Variants in KAZN observed in about 807,000 individuals in gnomAD.
KAZN encodes the protein kazrin, periplakin interacting protein, also known as kazrin.
A neutral mutation model predicts 87.4 loss-of-function variants in KAZN; 40 were observed. That is an observed-to-expected ratio of 0.46 (90% CI 0.36 to 0.60). The LOEUF (loss-of-function observed/expected upper bound fraction) is 0.60, where lower values mean the gene tolerates loss of function less well. Among genes scored for constraint, KAZN ranks in the 20% least tolerant of loss-of-function variants. The pLI is 0.00. For synonymous variants in KAZN, 466 were observed against 458.3 expected (o/e 1.02, Z -0.22); for missense variants, 898 against 1,073.9 (o/e 0.84, Z 2.29).
intron 1 of KAZN, among the ~76,000 whole-genome samples, chr1:13,947,029 G>A (rs1265959584): frequency 6.6e-6 from 1 of 152,076 alleles, no homozygotes; most frequent in Non-Finnish European, 1.5e-5. Flanking sequence ...CCCATTCCCT[G>A]ACCTGTGACT....
intron 1 of KAZN, among the ~76,000 whole-genome samples, chr1:14,175,907 A>G (rs1264074982): frequency 1.3e-5 from 2 of 152,204 alleles, no homozygotes; most frequent in Admixed American, 6.5e-5. Context: ...GTCGTAGACC[A>G]TGGGTAGGTT....
chr1:14,395,546 C>A (rs1662824549), intron 2 of KAZN, among the ~76,000 whole-genome samples: 2 of 152,102 alleles, frequency 1.3e-5, no homozygotes, highest in Non-Finnish European at 1.5e-5. Context: ...TGTGGAGGAA[C>A]ATAGCTACTA....
chr1:14,867,967 AGG>A, intron 1 of KAZN, among the ~76,000 whole-genome samples: 2 of 150,782 alleles, frequency 1.3e-5, no homozygotes, highest in African/African-American at 4.9e-5. Context: ...TTGCATAGGC[AGG>A]CATCGCATAT....
chr1:14,694,994 G>T (rs1641518831), intron 1 of KAZN, among the ~76,000 whole-genome samples: 1 of 152,152 alleles, frequency 6.6e-6, no homozygotes, highest in Admixed American at 6.5e-5. Context: ...GGAATTGGAG[G>T]TCAGTCCCTA....
At chr1:14,021,252 G>C (rs1253602748) in intron 1 of KAZN, among the ~76,000 whole-genome samples, 1 of 152,124 alleles carries the variant, frequency 6.6e-6, no homozygotes, top group Admixed American at 6.6e-5. Context: ...GCCCCACGGT[G>C]GGGGAAAGTC....
In KAZN at chr1:15,094,440, C is replaced by T. The variant is rs1238869061; in HGVS notation, c.1428+55C>T. Reference sequence around the variant, plus strand: ...CCACCCATGCCCTCTGTGAGCTTTACGTACCCAGAAGCTGGCCTGCCCCCC... The same window carrying T: ...CCACCCATGCCCTCTGTGAGCTTTATGTACCCAGAAGCTGGCCTGCCCCCC... On this transcript the variant is annotated intron_variant, in intron 9 of 14. Transcript: ENST00000376030. This position sits in a 1 kb window ranked among gnomAD's most constrained non-coding sequence, Gnocchi z 4.5. The T allele has an allele frequency of 1.1e-5, 16 of 1,507,922 alleles. No individual in the cohort carries two copies. In the Admixed American group the frequency reaches 1.3e-4, roughly 13 times the overall value. 93.4% of individuals were successfully genotyped at this position (1,507,922 alleles called of 1,614,324 possible).
chr1:14,164,347 T>G (rs1645773506), intron 1 of KAZN, among the ~76,000 whole-genome samples: 1 of 152,092 alleles, frequency 6.6e-6, no homozygotes, highest in African/African-American at 2.4e-5. Flanking sequence ...TCATGCTGAC[T>G]GTTGGCACAA....
At chr1:14,127,381 G>A (rs1467309881) in intron 1 of KAZN, among the ~76,000 whole-genome samples, 7 of 145,030 alleles carry the variant, frequency 4.8e-5, no homozygotes, top group Admixed American at 4.4e-4. Flanking sequence ...CTGAGAAAAA[G>A]CATACCCCTT....
intron 2 of KAZN, among the ~76,000 whole-genome samples, chr1:14,438,239 C>T (rs967439184): frequency 6.6e-6 from 1 of 152,162 alleles, no homozygotes; most frequent in Non-Finnish European, 1.5e-5. Context: ...CAGATATTTA[C>T]CAAGTGCCTG....
At chr1:13,954,084 G>A (rs922808508) in intron 1 of KAZN, among the ~76,000 whole-genome samples, 6 of 152,140 alleles carry the variant, frequency 3.9e-5, no homozygotes, top group African/African-American at 1.4e-4. Flanking sequence ...GAGTGGCTGA[G>A]CAATACACGA....
chr1:14,995,886 C>T (rs1667813326), intron 2 of KAZN, among the ~76,000 whole-genome samples: 2 of 152,122 alleles, frequency 1.3e-5, no homozygotes, highest in African/African-American at 4.8e-5. Flanking sequence ...GGGCTTTAAA[C>T]ATTTTCAAAT....
chr1:15,088,279 T>C (rs79604384), intron 8 of KAZN, among the ~76,000 whole-genome samples: 1 of 152,208 alleles, frequency 6.6e-6, no homozygotes, highest in East Asian at 1.9e-4. Context: ...GGCCGTAGTC[T>C]GCTGACCTCT....
At chr1:15,049,290 C>T (rs1674038663) in intron 4 of KAZN, among the ~76,000 whole-genome samples, 1 of 152,258 alleles carries the variant, frequency 6.6e-6, no homozygotes, top group Non-Finnish European at 1.5e-5. Context: ...CCGGCTCACA[C>T]GGACCTCGCT....
In KAZN at chr1:14,282,153, G is replaced by A. The variant is rs1342066893; in HGVS notation, c.249+101561G>A. Among the ~76,000 whole-genome samples, 4 of 152,016 alleles carry A rather than the reference G, an allele frequency of 2.6e-5. 1 individual carries two copies. The South Asian group carries it at 8.3e-4, about 32-fold the overall frequency. ...TCTTTACCTTCTTATTGTATACTACGGGCTGTTTCTTTTACAGATGTTTTG... is the reference window on the plus strand; with the variant it reads ...TCTTTACCTTCTTATTGTATACTACAGGCTGTTTCTTTTACAGATGTTTTG... On this transcript the variant is annotated intron_variant, in intron 2 of 16. Coordinates refer to the KAZN transcript ENST00000636203.
At chr1:14,489,643 A>G (rs1669540117) in intron 2 of KAZN, among the ~76,000 whole-genome samples, 1 of 151,724 alleles carries the variant, frequency 6.6e-6, no homozygotes, top group South Asian at 2.1e-4. Context: ...CTGGGGCAGG[A>G]GAATCACTTG....
intron 2 of KAZN, among the ~76,000 whole-genome samples, chr1:14,188,934 T>C (rs943810475): frequency 6.6e-6 from 1 of 152,164 alleles, no homozygotes; most frequent in African/African-American, 2.4e-5. Flanking sequence ...CATATAATTA[T>C]AATCTTAAAA....
At chr1:14,946,345 T>C (rs1400133087) in intron 1 of KAZN, among the ~76,000 whole-genome samples, 20 of 121,004 alleles carry the variant, frequency 1.7e-4, no homozygotes, top group African/African-American at 1.1e-3. Flanking sequence ...ATTCTCTCTT[T>C]TTTTTTTTTT....
chr1:14,058,657 T>C (rs1002912811), intron 1 of KAZN, among the ~76,000 whole-genome samples: 1 of 152,138 alleles, frequency 6.6e-6, no homozygotes, highest in African/African-American at 2.4e-5. Context: ...ACTTAGGGTC[T>C]ACAGAGGCAG....
In KAZN at chr1:14,689,783, C is replaced by G. The variant is rs7515389; in HGVS notation, c.226+90560C>G. The stretch of plus-strand genomic sequence containing the variant: ...TAGACCCTGGCAGGGATGTGTTCAT[C>G]TTGTCCCGGGGCAGAGGGCGTGGTG... On this transcript the variant is annotated intron_variant, in intron 1 of 14. Transcript: ENST00000376030. Among the ~76,000 whole-genome samples the G allele has an allele frequency of 4.8e-3, 726 of 152,342 alleles. 4 individuals are homozygous for G. The highest frequency in any genetic ancestry group is 0.016 in the African/African-American group (675 of 41,576).
Sources: gnomAD v4.1 joint callset for allele counts (sites outside exome capture counted in the v4.1 genomes callset) on GRCh38, gnomAD v4.1.1 for gene constraint, Gnocchi (gnomAD v3.1) non-coding constraint, MANE v1.5 for transcripts, NCBI Gene and HGNC (gene_info 2026-07-23, HGNC 2026-07-21) for gene names.